FBXO16: variants seen among roughly 807,000 people sequenced by gnomAD.
FBXO16 encodes F-box protein 16, also known as F-box only protein 16.
Under a neutral mutation model 41.0 loss-of-function variants are expected in FBXO16, and 31 were observed. The ratio of observed to expected loss-of-function variants is 0.76; its 90% CI spans 0.57 to 1.02. The LOEUF (loss-of-function observed/expected upper bound fraction) is 1.02, where lower values mean the gene tolerates loss of function less well. FBXO16 is among the 50% of genes least tolerant of loss of function. The pLI is 0.00. For synonymous variants in FBXO16, 133 were observed against 117.8 expected (o/e 1.13, Z -0.84); for missense variants, 361 against 346.2 (o/e 1.04, Z -0.34).
chr8:28,443,460 G>C lies in FBXO16; in HGVS notation c.843+3711C>G, dbSNP rs377348411. On this transcript the variant is annotated intron_variant, in intron 7 of 8. Coordinates refer to ENST00000380254, the MANE Select transcript of FBXO16 (RefSeq NM_172366.4). Reference sequence around the variant, plus strand: ...GTAACCTCCTAGGTTTGGGGGTCAGGGTTTGGGGGTATGTCACTTTCATCT... The same window carrying C: ...GTAACCTCCTAGGTTTGGGGGTCAGCGTTTGGGGGTATGTCACTTTCATCT... Among the ~76,000 whole-genome samples, 3 of 152,018 alleles carry C rather than the reference G, an allele frequency of 2.0e-5. No individual in the cohort carries two copies. In the East Asian group the frequency reaches 5.8e-4, roughly 29 times the overall value.
intron 7 of FBXO16, among the ~76,000 whole-genome samples, chr8:28,432,648 A>AC (rs1230169337): frequency 6.6e-6 from 1 of 152,110 alleles, no homozygotes; most frequent in Non-Finnish European, 1.5e-5. Flanking sequence ...AACATGAATG[A>AC]CCCTTTACGA....
chr8:28,489,914 G>A (rs991681014), intron 1 of FBXO16, among the ~76,000 whole-genome samples: 4 of 152,188 alleles, frequency 2.6e-5, no homozygotes, highest in South Asian at 2.1e-4. Context: ...AAGAAATAGC[G>A]TATGGGTAGA....
chr8:28,438,883 T>A (rs1002836426), intron 7 of FBXO16, among the ~76,000 whole-genome samples: 2 of 152,072 alleles, frequency 1.3e-5, no homozygotes, highest in African/African-American at 4.8e-5. Flanking sequence ...ATGGACTTCT[T>A]GAGGTCAGGA....
At chr8:28,439,860 TG>T (rs1563357974) in intron 7 of FBXO16, among the ~76,000 whole-genome samples, 1 of 84,046 alleles carries the variant, frequency 1.2e-5, no homozygotes, top group Non-Finnish European at 2.3e-5. Context: ...GCAGAAACTC[TG>T]TTCTATAAAT....
chr8:28,455,129 G>A (rs1195994916), intron 5 of FBXO16, among the ~76,000 whole-genome samples: 1 of 150,414 alleles, frequency 6.6e-6, no homozygotes, highest in Non-Finnish European at 1.5e-5. Flanking sequence ...AGGATGTAGT[G>A]CAGTGGCTTG....
At chr8:28,449,987 A>G (rs994520033) in intron 6 of FBXO16, among the ~76,000 whole-genome samples, 1 of 151,776 alleles carries the variant, frequency 6.6e-6, no homozygotes, top group South Asian at 2.1e-4. Context: ...AAAGAAAAAA[A>G]AAAAAAAAGA....
At chr8:28,455,423 G>T (rs990592928) in intron 5 of FBXO16, among the ~76,000 whole-genome samples, 1 of 152,104 alleles carries the variant, frequency 6.6e-6, no homozygotes, top group Admixed American at 6.6e-5. Flanking sequence ...TTTCTGTAGA[G>T]ACAGGGTCTT....
At chr8:28,460,423 A>ATTTTTTTTT (rs1174276709) in intron 4 of FBXO16, among the ~76,000 whole-genome samples, 1,742 of 82,464 alleles carry the variant, frequency 0.021, 283 homozygotes, top group African/African-American at 0.066. Flanking sequence ...TACCTGGCTA[A>ATTTTTTTTT]TTTTTTTTTT....
Position 28,439,983 on chromosome 8 carries a change from T to G in FBXO16, c.843+7188A>C, listed in dbSNP as rs918382957. Among the ~76,000 whole-genome samples, 6 of 152,052 alleles carry G rather than the reference T, an allele frequency of 3.9e-5. No individual in the cohort carries two copies. In the East Asian group the frequency reaches 1.2e-3, roughly 29 times the overall value. ...TTCATGAATGTAACGGATTTTTTTT[T>G]TTTTGTATTCTGCATAAAGCCATTT... On this transcript the variant is annotated intron_variant, in intron 7 of 8. Transcript: ENST00000380254.
intron 7 of FBXO16, among the ~76,000 whole-genome samples, chr8:28,440,822 G>A (rs1802760517): frequency 6.6e-6 from 1 of 152,194 alleles, no homozygotes; most frequent in Admixed American, 6.6e-5. Flanking sequence ...GCTGAACCAG[G>A]ACCTAGAAAG....
chr8:28,437,796 C>T (rs1312161843), intron 7 of FBXO16, among the ~76,000 whole-genome samples: 1 of 151,994 alleles, frequency 6.6e-6, no homozygotes, highest in African/African-American at 2.4e-5. Flanking sequence ...TCACTTGAGC[C>T]CAGGAGGTCA....
In FBXO16 at chr8:28,428,554, T is replaced by C. The variant is rs11895; in HGVS notation, c.*173A>G. The C allele has an allele frequency of 0.15, 229,104 of 1,546,892 alleles. 20,528 individuals are homozygous for C. Among genetic ancestry groups the C allele is most frequent in the African/African-American group, 0.38 (27,774 of 72,938 alleles). On this transcript the variant is annotated 3_prime_UTR_variant, in exon 9 of 9. Transcript: ENST00000380254. ...TTGTCATTTCTATAATAAAAGTCTT[T>C]CCATGTTCAGTCCACTTTGGCTCTG...
chr8:28,478,054 TC>T (rs1166372665), intron 2 of FBXO16, among the ~76,000 whole-genome samples: 1 of 152,094 alleles, frequency 6.6e-6, no homozygotes, highest in Non-Finnish European at 1.5e-5. Context: ...ATACACAAAT[TC>T]TATGTGTGTG....
chr8:28,466,366 A>C (rs2130164988), intron 3 of FBXO16, among the ~76,000 whole-genome samples: 1 of 152,282 alleles, frequency 6.6e-6, no homozygotes, highest in African/African-American at 2.4e-5. Flanking sequence ...AGTGGGGAGG[A>C]GGAGGACCCT....
At chr8:28,477,927 A>G (rs1398989841) in intron 2 of FBXO16, among the ~76,000 whole-genome samples, 1 of 152,104 alleles carries the variant, frequency 6.6e-6, no homozygotes, top group Non-Finnish European at 1.5e-5. Flanking sequence ...ACAGGAAGAT[A>G]GCTTGAGCCC....
intron 4 of FBXO16, among the ~76,000 whole-genome samples, chr8:28,460,367 CCTTA>C (rs1410596817): frequency 1.5e-4 from 21 of 144,330 alleles, no homozygotes; most frequent in African/African-American, 5.4e-4. Flanking sequence ...AATCTTCCTG[CCTTA>C]CTTAGCCTCT....
intron 3 of FBXO16, among the ~76,000 whole-genome samples, chr8:28,472,600 G>A (rs1803355282): frequency 6.6e-6 from 1 of 152,148 alleles, no homozygotes. Context: ...AAACTAGCCA[G>A]GCATAGTGGT....
chr8:28,432,388 C>G (rs559267416), intron 7 of FBXO16, among the ~76,000 whole-genome samples: 1 of 151,832 alleles, frequency 6.6e-6, no homozygotes, highest in Admixed American at 6.6e-5. Context: ...GCAGGAGAAT[C>G]GCTTGAACCT....
At chr8:28,475,902 A>C (rs1301589185) in intron 2 of FBXO16, among the ~76,000 whole-genome samples, 1 of 152,200 alleles carries the variant, frequency 6.6e-6, no homozygotes, top group East Asian at 1.9e-4. Flanking sequence ...TAGAAAGGAT[A>C]AGCAGAGGAC....
Sources: gnomAD v4.1 joint callset for allele counts (sites outside exome capture counted in the v4.1 genomes callset) on GRCh38, gnomAD v4.1.1 for gene constraint, MANE v1.5 for transcripts, NCBI Gene and HGNC (gene_info 2026-07-23, HGNC 2026-07-21) for gene names.